Variants in SHISA9 observed in about 807,000 individuals in gnomAD.
SHISA9 encodes shisa family member 9, also known as protein shisa-9.
SHISA9 carries 13 observed loss-of-function variants against 38.0 expected under a neutral mutation model. The ratio of observed to expected loss-of-function variants is 0.34; its 90% CI spans 0.22 to 0.54. SHISA9 has a LOEUF of 0.54. Ranked by LOEUF, SHISA9 falls within the 20% of genes least tolerant of loss-of-function variation. The pLI is 0.91. For synonymous variants in SHISA9, 275 were observed against 242.0 expected, an observed-to-expected ratio of 1.14 and a Z score of -1.27; for missense variants, 538 against 575.8, an observed-to-expected ratio of 0.93 and a Z score of 0.67.
chr16:13,066,566 A>G (rs1217131770), intron 2 of SHISA9, among the ~76,000 whole-genome samples: 1 of 152,214 alleles, frequency 6.6e-6, no homozygotes, highest in East Asian at 1.9e-4. Context: ...CTGATTGATA[A>G]TGGGGTTAAT....
chr16:13,519,741 G>A, the SHISA9 span, among the ~76,000 whole-genome samples: 1 of 152,154 alleles, frequency 6.6e-6, no homozygotes, highest in African/African-American at 2.4e-5. Context: ...CATGGTGGCA[G>A]GAGAGAAAAG....
the SHISA9 span, among the ~76,000 whole-genome samples, chr16:13,555,729 GACTGAT>G: frequency 6.6e-6 from 1 of 152,130 alleles, no homozygotes; most frequent in Non-Finnish European, 1.5e-5. Flanking sequence ...CTACCTACTA[GACTGAT>G]ACTCCCTTGT....
chr16:12,973,847 A>G (rs1421356312), intron 2 of SHISA9, among the ~76,000 whole-genome samples: 2 of 152,228 alleles, frequency 1.3e-5, no homozygotes, highest in Non-Finnish European at 2.9e-5. Flanking sequence ...AATTGTCTGT[A>G]TAGCCTCGAA....
chr16:12,906,974 A>G (rs1275722158), intron 1 of SHISA9, among the ~76,000 whole-genome samples: 1 of 151,714 alleles, frequency 6.6e-6, no homozygotes, highest in Non-Finnish European at 1.5e-5. Context: ...GTATTTTGTC[A>G]TAGTTGCTTT....
the SHISA9 span, among the ~76,000 whole-genome samples, chr16:13,537,292 G>A: frequency 6.6e-6 from 1 of 152,020 alleles, no homozygotes; most frequent in African/African-American, 2.4e-5. Flanking sequence ...ACCGGGCATG[G>A]TGGCAGTTGC....
chr16:13,073,483 C>G (rs2073543031), intron 2 of SHISA9, among the ~76,000 whole-genome samples: 1 of 152,148 alleles, frequency 6.6e-6, no homozygotes, highest in Non-Finnish European at 1.5e-5. Context: ...TCATCAGCAG[C>G]AGCATCACCT....
At chr16:13,497,786 A>C in the SHISA9 span, among the ~76,000 whole-genome samples, 78 of 152,288 alleles carry the variant, frequency 5.1e-4, no homozygotes, top group Non-Finnish European at 4.4e-5. Flanking sequence ...ACAGACAGAT[A>C]CATGAAACAT....
chr16:13,129,781 C>G (rs2050291770), intron 2 of SHISA9, among the ~76,000 whole-genome samples: 1 of 152,064 alleles, frequency 6.6e-6, no homozygotes, highest in African/African-American at 2.4e-5. Flanking sequence ...CTAGACCTGC[C>G]TTTTTCACAC....
the SHISA9 span, among the ~76,000 whole-genome samples, chr16:13,556,996 C>A: frequency 1.3e-5 from 2 of 152,054 alleles, no homozygotes; most frequent in African/African-American, 4.8e-5. Flanking sequence ...GGAATCAATC[C>A]CCTCCAGTAC....
intron 4 of SHISA9, among the ~76,000 whole-genome samples, chr16:13,229,402 G>A (rs1029476806): frequency 1.3e-5 from 2 of 152,198 alleles, no homozygotes; most frequent in African/African-American, 4.8e-5. Flanking sequence ...GGGAGAGGCA[G>A]CTGGGCATAA....
chr16:13,333,944 C>T, the SHISA9 span, among the ~76,000 whole-genome samples: 13 of 152,172 alleles, frequency 8.5e-5, no homozygotes, highest in Admixed American at 8.5e-4. Flanking sequence ...CAGACTGTCT[C>T]TGTTGTAACT....
the SHISA9 span, among the ~76,000 whole-genome samples, chr16:13,271,378 C>T: frequency 6.6e-6 from 1 of 152,258 alleles, no homozygotes; most frequent in East Asian, 1.9e-4. Flanking sequence ...CATGTGTAGC[C>T]AGGCTTGAGA....
At chr16:12,981,175 TCAGCCCCAGTGAGTTC>T (rs1466693908) in intron 2 of SHISA9, among the ~76,000 whole-genome samples, 1 of 152,218 alleles carries the variant, frequency 6.6e-6, no homozygotes, top group African/African-American at 2.4e-5. Context: ...GAGCCCCAAG[TCAGCCCCAGTGAGTTC>T]AGGGGCTAGG....
At chr16:13,343,901 T>C in the SHISA9 span, among the ~76,000 whole-genome samples, 9 of 152,192 alleles carry the variant, frequency 5.9e-5, no homozygotes, top group South Asian at 6.2e-4. Context: ...TAAGAAAGTG[T>C]TCAGAAAAAC....
Position 12,966,231 on chromosome 16 carries a change from A to G in SHISA9, c.691+49416A>G, listed in dbSNP as rs139177923. Among the ~76,000 whole-genome samples the G allele has an allele frequency of 1.4e-4, 21 of 152,290 alleles. No individual in the cohort carries two copies. In the East Asian group the frequency reaches 4.1e-3, roughly 29 times the overall value. On this transcript the variant is annotated intron_variant, in intron 2 of 4. Coordinates refer to ENST00000558583, the MANE Select transcript of SHISA9 (RefSeq NM_001145204.3). The stretch of plus-strand genomic sequence containing the variant: ...CTGGATACTTCACTTTCCTACATCT[A>G]TGATTTTGCTCACCTAGGGGACATC...
At chr16:13,103,932 C>T (rs991221238) in intron 2 of SHISA9, among the ~76,000 whole-genome samples, 2 of 152,096 alleles carry the variant, frequency 1.3e-5, no homozygotes. Flanking sequence ...CTGGGATATA[C>T]GCCACTCTCC....
the SHISA9 span, among the ~76,000 whole-genome samples, chr16:13,416,583 C>G: frequency 6.6e-6 from 1 of 152,002 alleles, no homozygotes; most frequent in South Asian, 2.1e-4. Context: ...ACAATGGGGC[C>G]CACCTGTAGT....
chr16:12,927,569 T>A (rs1402372275), intron 2 of SHISA9, among the ~76,000 whole-genome samples: 1 of 151,954 alleles, frequency 6.6e-6, no homozygotes, highest in Non-Finnish European at 1.5e-5. Context: ...AGCTAATTTT[T>A]TTTGATTTTT....
chr16:13,135,400 G>A (rs2050340241), intron 2 of SHISA9, among the ~76,000 whole-genome samples: 1 of 151,502 alleles, frequency 6.6e-6, no homozygotes, highest in Admixed American at 6.6e-5. Flanking sequence ...TCCTTCATCT[G>A]TAGAGATCTA....
Sources: allele counts gnomAD v4.1 joint callset (sites outside exome capture counted in the v4.1 genomes callset), GRCh38; gene constraint gnomAD v4.1.1; transcripts MANE v1.5; gene names NCBI Gene and HGNC (gene_info 2026-07-23, HGNC 2026-07-21).